The following DACH2 variants were observed in gnomAD, a reference collection of about 807,000 sequenced individuals.
DACH2 encodes the protein dachshund family transcription factor 2.
In DACH2, 17 loss-of-function variants were observed where a neutral mutation model predicts 35.8. The observed-to-expected ratio is 0.48, with a 90% CI of 0.33 to 0.71. DACH2 has a LOEUF of 0.71. Among genes scored for constraint, DACH2 ranks in the 30% least tolerant of loss-of-function variants. The pLI is 0.02. For synonymous variants in DACH2, 195 were observed against 177.3 expected (o/e 1.10, Z -0.79); for missense variants, 469 against 472.7 (o/e 0.99, Z 0.07).
chrX:86,517,193 T>C (rs1453287926), intron 3 of DACH2, among the ~76,000 whole-genome samples: 1 of 111,637 alleles, frequency 9.0e-6, no homozygotes, highest in Non-Finnish European at 1.9e-5. Flanking sequence ...GTGTTCCTTT[T>C]CTCTGCAAAC....
At chrX:86,244,073 G>A (rs2033226409) in intron 1 of DACH2, among the ~76,000 whole-genome samples, 2 of 111,735 alleles carry the variant, frequency 1.8e-5, no homozygotes, top group Non-Finnish European at 3.8e-5. Context: ...TTGTATGTTT[G>A]GCCTACTGTA....
chrX:86,342,668 A>G lies in DACH2; in HGVS notation c.489-34156A>G, dbSNP rs1301915827. ...CTAAAAATACAAAAATTAGCCAGGC[A>G]TGGTGGTGCACACCTGTAATCACAG... On this transcript the variant is annotated intron_variant, in intron 1 of 11. Coordinates refer to ENST00000373125, the MANE Select transcript of DACH2 (RefSeq NM_053281.3). Among the ~76,000 whole-genome samples, 4 of 109,253 alleles carry G rather than the reference A, an allele frequency of 3.7e-5. No individual in the cohort carries two copies. The Admixed American group carries it at 3.9e-4, about 11-fold the overall frequency. The allele number at this position is 109,253 out of a possible 115,157, so 94.9% of individuals were successfully genotyped here. A position where few individuals can be genotyped will look rare whatever the true frequency, so the allele number is the denominator to read the frequency against.
chrX:86,533,037 T>TTTTATTTATTTATTTA (rs1017295547), intron 3 of DACH2, among the ~76,000 whole-genome samples: 4 of 111,121 alleles, frequency 3.6e-5, no homozygotes, highest in South Asian at 3.7e-4. Flanking sequence ...ACTTACATTG[T>TTTTATTTATTTATTTA]TTTATTTATT....
intron 2 of DACH2, among the ~76,000 whole-genome samples, chrX:86,424,294 T>C (rs898593265): frequency 4.5e-5 from 5 of 111,459 alleles, no homozygotes; most frequent in African/African-American, 1.6e-4. Flanking sequence ...ATTTTAACAA[T>C]ATTGATTCTT....
intron 1 of DACH2, among the ~76,000 whole-genome samples, chrX:86,227,734 A>C (rs1004944681): frequency 9.1e-6 from 1 of 109,516 alleles, no homozygotes; most frequent in African/African-American, 3.4e-5. Context: ...TTTTAAAAAA[A>C]ATGCTGGTCA....
chrX:86,801,225 TAAA>T (rs2042290895), intron 7 of DACH2, among the ~76,000 whole-genome samples: 1 of 106,404 alleles, frequency 9.4e-6, no homozygotes. Flanking sequence ...TTTTTTTTTT[TAAA>T]TTTTTTGAAG....
At chrX:86,446,010 T>C in intron 2 of DACH2, among the ~76,000 whole-genome samples, 1 of 111,515 alleles carries the variant, frequency 9.0e-6, no homozygotes, top group East Asian at 2.8e-4. Flanking sequence ...TATTAATATT[T>C]GTTTTATATA....
intron 7 of DACH2, among the ~76,000 whole-genome samples, chrX:86,765,117 G>A (rs896747278): frequency 9.0e-6 from 1 of 111,069 alleles, no homozygotes. Flanking sequence ...TAAGTTCCTT[G>A]TAATTGTGGA....
At chrX:86,753,448 G>T (rs759444326) in intron 7 of DACH2, among the ~76,000 whole-genome samples, 1 of 111,600 alleles carries the variant, frequency 9.0e-6, no homozygotes, top group Non-Finnish European at 1.9e-5. Flanking sequence ...AATCTAGATG[G>T]TTTCAGTGAT....
chrX:86,753,463 A>T (rs1306097230), intron 7 of DACH2, among the ~76,000 whole-genome samples: 1 of 111,916 alleles, frequency 8.9e-6, no homozygotes, highest in Non-Finnish European at 1.9e-5. Context: ...AGTGATGACA[A>T]TAGATCAGAC....
At chrX:86,595,065 T>G (rs1354137818) in intron 3 of DACH2, among the ~76,000 whole-genome samples, 1 of 111,368 alleles carries the variant, frequency 9.0e-6, no homozygotes, top group Non-Finnish European at 1.9e-5. Flanking sequence ...TTCTGAAAGT[T>G]TCATTTATCT....
At chrX:86,696,612 C>T (rs2041070377) in intron 5 of DACH2, among the ~76,000 whole-genome samples, 1 of 111,612 alleles carries the variant, frequency 9.0e-6, no homozygotes, top group Admixed American at 9.6e-5. Flanking sequence ...GGTCACAGAG[C>T]TCCACCATGC....
chrX:86,243,921 G>A (rs970828844), intron 1 of DACH2, among the ~76,000 whole-genome samples: 2 of 111,036 alleles, frequency 1.8e-5, no homozygotes, highest in Admixed American at 9.6e-5. Flanking sequence ...TTAGGAAATT[G>A]GCAGTATTTT....
At chrX:86,224,219 C>T (rs1299915425) in intron 1 of DACH2, among the ~76,000 whole-genome samples, 1 of 110,711 alleles carries the variant, frequency 9.0e-6, no homozygotes, top group South Asian at 3.8e-4. Flanking sequence ...TCTAGAATTG[C>T]GTGCAACTTG....
intron 2 of DACH2, among the ~76,000 whole-genome samples, chrX:86,470,815 A>G (rs1207060705): frequency 9.0e-6 from 1 of 111,623 alleles, no homozygotes; most frequent in African/African-American, 3.2e-5. Context: ...ATATGTCAAA[A>G]ACAAAAGAGG....
In DACH2 at chrX:86,345,595, G is replaced by A. The variant is rs1405568441; in HGVS notation, c.489-31229G>A. Among the ~76,000 whole-genome samples the A allele has an allele frequency of 2.7e-5, 3 of 111,785 alleles. No homozygotes were observed. The Admixed American group carries it at 2.9e-4, about 11-fold the overall frequency. On this transcript the variant is annotated intron_variant, in intron 1 of 11. Transcript: ENST00000373125. ...AATCAAAATGTCCTTTCCTAGAGGC[G>A]AAAGCAATTCAGTATTATTCAAGTT...
chrX:86,640,899 C>G (rs1184221400), intron 3 of DACH2, among the ~76,000 whole-genome samples: 1 of 112,024 alleles, frequency 8.9e-6, no homozygotes, highest in Non-Finnish European at 1.9e-5. Flanking sequence ...CAAATAAAGA[C>G]TCTACACAAA....
At chrX:86,679,660 A>G (rs1375995576) in intron 4 of DACH2, among the ~76,000 whole-genome samples, 2 of 91,126 alleles carry the variant, frequency 2.2e-5, no homozygotes, top group African/African-American at 8.6e-5. Context: ...GTGTGTGTGT[A>G]TTCCCAAATA....
At chrX:86,762,685 T>G (rs962003433) in intron 7 of DACH2, among the ~76,000 whole-genome samples, 2 of 111,999 alleles carry the variant, frequency 1.8e-5, no homozygotes, top group African/African-American at 3.2e-5. Flanking sequence ...TTTGTAATTT[T>G]TATGGGTACA....
Sources: allele counts gnomAD v4.1 joint callset (sites outside exome capture counted in the v4.1 genomes callset), GRCh38; gene constraint gnomAD v4.1.1; transcripts MANE v1.5; gene names NCBI Gene and HGNC (gene_info 2026-07-23, HGNC 2026-07-21).